The following LRIG1 variants were observed in gnomAD, a reference collection of about 807,000 sequenced individuals.
LRIG1 encodes leucine rich repeats and immunoglobulin like domains 1.
LRIG1 carries 48 observed loss-of-function variants against 99.2 expected under a neutral mutation model. The observed-to-expected ratio is 0.48, with a 90% CI of 0.38 to 0.62. The LOEUF (loss-of-function observed/expected upper bound fraction) is 0.62, where lower values mean the gene tolerates loss of function less well. Among genes scored for constraint, LRIG1 ranks in the 20% least tolerant of loss-of-function variants. The pLI, the probability that LRIG1 is intolerant of heterozygous loss-of-function variation, is 0.00. For synonymous variants in LRIG1, 772 were observed against 596.1 expected (o/e 1.29, Z -4.30); for missense variants, 1,646 against 1,434.4 (o/e 1.15, Z -2.38).
chr3:66,460,426 T>G (rs566596012), intron 2 of LRIG1, among the ~76,000 whole-genome samples: 2 of 152,312 alleles, frequency 1.3e-5, no homozygotes, highest in South Asian at 4.1e-4. Flanking sequence ...AGGGTCCATA[T>G]GCTGAAGCTC....
chr3:66,386,440 C>T (rs1701379696), intron 12 of LRIG1, 139 bp from the exon 13 acceptor site: 1 of 683,878 alleles, frequency 1.5e-6, no homozygotes, highest in African/African-American at 1.8e-5. Flanking sequence ...TCAGCCCCAC[C>T]AACCAGATGC....
intron 2 of LRIG1, among the ~76,000 whole-genome samples, chr3:66,460,154 C>A (rs1700324143): frequency 6.6e-6 from 1 of 152,152 alleles, no homozygotes; most frequent in Non-Finnish European, 1.5e-5. Context: ...CCCCAGCACC[C>A]AGAATAGCTC....
At position 66,478,267 on chromosome 3, in the gene LRIG1, G is replaced by C. The variant is rs565933389; in HGVS notation, c.219-15758C>G. Among the ~76,000 whole-genome samples the C allele has an allele frequency of 1.7e-4, 26 of 152,306 alleles. 1 individual carries two copies. The highest frequency in any genetic ancestry group is 6.0e-4 in the African/African-American group (25 of 41,572). On this transcript the variant is annotated intron_variant, in intron 1 of 18. Coordinates refer to ENST00000273261, the MANE Select transcript of LRIG1 (RefSeq NM_015541.3). ...CAGTGCATGTAGGTGGTCCTGAAAA[G>C]GTAACCAGTTAACCCCAATGGGGCA... is the stretch of plus-strand genomic sequence containing the variant.
At chr3:66,410,749 G>T (rs1429334594) in intron 6 of LRIG1, among the ~76,000 whole-genome samples, 1 of 152,246 alleles carries the variant, frequency 6.6e-6, no homozygotes, top group Non-Finnish European at 1.5e-5. Flanking sequence ...GCCCATTAAA[G>T]GAATAGAAAG....
intron 9 of LRIG1, among the ~76,000 whole-genome samples, chr3:66,402,023 G>GC (rs1368893111): frequency 2.0e-5 from 3 of 151,958 alleles, no homozygotes; most frequent in Non-Finnish European, 2.9e-5. Flanking sequence ...TGCAGGCCCG[G>GC]CCCCCACATA....
At chr3:66,490,728 T>G (rs146745217) in intron 1 of LRIG1, among the ~76,000 whole-genome samples, 1 of 152,314 alleles carries the variant, frequency 6.6e-6, no homozygotes, top group East Asian at 1.9e-4. Flanking sequence ...GGTTATCATA[T>G]AAATTTAATT....
chr3:66,489,971 C>T (rs1228494258), intron 1 of LRIG1, among the ~76,000 whole-genome samples: 1 of 152,166 alleles, frequency 6.6e-6, no homozygotes, highest in African/African-American at 2.4e-5. Flanking sequence ...CTGAGCACCA[C>T]GACTTCACAT....
intron 3 of LRIG1, among the ~76,000 whole-genome samples, chr3:66,437,165 G>A (rs571013167): frequency 6.6e-6 from 1 of 152,238 alleles, no homozygotes; most frequent in Non-Finnish European, 1.5e-5. Flanking sequence ...CGCCTGCAGG[G>A]ATCTGCAGTG....
chr3:66,436,222 C>G (rs546319072), intron 3 of LRIG1, among the ~76,000 whole-genome samples: 1 of 152,098 alleles, frequency 6.6e-6, no homozygotes, highest in South Asian at 2.1e-4. Flanking sequence ...ACGTGCCAGA[C>G]GTGCATGCCC....
At chr3:66,437,098 C>CATTT (rs1158881574) in intron 3 of LRIG1, among the ~76,000 whole-genome samples, 1 of 152,246 alleles carries the variant, frequency 6.6e-6, no homozygotes, top group Non-Finnish European at 1.5e-5. Flanking sequence ...GCACCTCCCT[C>CATTT]ATTTTCCTTC....
intron 5 of LRIG1, among the ~76,000 whole-genome samples, 198 bp from the exon 6 acceptor site, chr3:66,413,212 C>G (rs562600778): frequency 2.6e-5 from 4 of 152,306 alleles, no homozygotes; most frequent in African/African-American, 9.6e-5. Flanking sequence ...CCTGACCACA[C>G]CTAGTGCAGG....
chr3:66,427,574 A>C (rs548203741), intron 3 of LRIG1, among the ~76,000 whole-genome samples: 37 of 152,352 alleles, frequency 2.4e-4, no homozygotes, highest in African/African-American at 8.7e-4. Flanking sequence ...CAACAGTAGA[A>C]GGACTGCTTG....
intron 1 of LRIG1, among the ~76,000 whole-genome samples, chr3:66,491,354 C>G (rs1269266320): frequency 6.6e-6 from 1 of 152,162 alleles, no homozygotes; most frequent in African/African-American, 2.4e-5. Flanking sequence ...CAATTAATAG[C>G]TTGGTAGAAA....
intron 9 of LRIG1, among the ~76,000 whole-genome samples, chr3:66,400,903 G>C (rs544888378): frequency 6.6e-6 from 1 of 152,270 alleles, no homozygotes; most frequent in East Asian, 1.9e-4. Context: ...AGCAGAGCCA[G>C]AGGGAGGCAC....
chr3:66,449,198 A>G (rs866464687), intron 3 of LRIG1, among the ~76,000 whole-genome samples: 5 of 152,222 alleles, frequency 3.3e-5, no homozygotes, highest in Non-Finnish European at 7.3e-5. Context: ...AGCATTATCA[A>G]TAATCCAGCT....
chr3:66,421,435 C>A (rs1702806616), intron 3 of LRIG1, among the ~76,000 whole-genome samples: 1 of 152,160 alleles, frequency 6.6e-6, no homozygotes, highest in Non-Finnish European at 1.5e-5. Flanking sequence ...GAGAAATTGA[C>A]CAAAACAAAG....
At chr3:66,431,105 C>T (rs980572218) in intron 3 of LRIG1, among the ~76,000 whole-genome samples, 10 of 152,124 alleles carry the variant, frequency 6.6e-5, no homozygotes, top group South Asian at 4.2e-4. Flanking sequence ...CCAGCAAGCC[C>T]GGCACAACCG....
intron 9 of LRIG1, among the ~76,000 whole-genome samples, chr3:66,400,585 G>A (rs1026529669): frequency 6.6e-6 from 1 of 152,296 alleles, no homozygotes; most frequent in Middle Eastern, 3.4e-3. Flanking sequence ...ATCTGGCCCA[G>A]CCCCCTACTG....
chr3:66,473,014 T>C (rs1011536371), intron 1 of LRIG1, among the ~76,000 whole-genome samples: 1 of 152,032 alleles, frequency 6.6e-6, no homozygotes, highest in Non-Finnish European at 1.5e-5. Context: ...GCAAACTCAG[T>C]GGTGACTCAC....
Sources: gnomAD v4.1 joint callset for allele counts (sites outside exome capture counted in the v4.1 genomes callset) on GRCh38, gnomAD v4.1.1 for gene constraint, MANE v1.5 for transcripts, NCBI Gene and HGNC (gene_info 2026-07-23, HGNC 2026-07-21) for gene names.